Variants in ANO3 observed in about 807,000 individuals in gnomAD.
The protein encoded by ANO3 is anoctamin-3.
ANO3 carries 99 observed loss-of-function variants against 144.8 expected under a neutral mutation model. The observed-to-expected ratio is 0.68, with a 90% CI of 0.58 to 0.81. The LOEUF (loss-of-function observed/expected upper bound fraction) is 0.81. Ranked by LOEUF, ANO3 falls within the 30% of genes least tolerant of loss-of-function variation. The pLI is 0.00. For missense variants in ANO3, 905 were observed against 1,202.2 expected (o/e 0.75, Z 3.66); for synonymous variants, 414 against 392.6 (o/e 1.05, Z -0.64).
chr11:26,331,412 C>T (rs1855036818), upstream of ANO3: 1 of 152,178 alleles, frequency 6.6e-6, no homozygotes. Context: ...CTTTGGGTAT[C>T]GGGTGCCTTC....
At chr11:26,461,169 G>A (rs1859382103) in intron 3 of ANO3, among the ~76,000 whole-genome samples, 1 of 152,078 alleles carries the variant, frequency 6.6e-6, no homozygotes, top group African/African-American at 2.4e-5. Flanking sequence ...GGGGAGAAAG[G>A]ATTGGCAAGG....
intron 1 of ANO3, among the ~76,000 whole-genome samples, chr11:26,440,920 G>A (rs1041500692): frequency 3.3e-5 from 5 of 151,992 alleles, no homozygotes; most frequent in African/African-American, 1.2e-4. Flanking sequence ...ATGGGATGAA[G>A]AGGAATGGAG....
intron 4 of ANO3, among the ~76,000 whole-genome samples, chr11:26,489,291 A>G (rs1860604717): frequency 6.6e-6 from 1 of 152,166 alleles, no homozygotes; most frequent in South Asian, 2.1e-4. Flanking sequence ...CATGGTGTTG[A>G]GCCTGCGGGA....
chr11:26,344,949 CTTACTT>C (rs71926703), intron 1 of ANO3, among the ~76,000 whole-genome samples: 40,365 of 151,714 alleles, frequency 0.27, 6,236 homozygotes, highest in Admixed American at 0.41. Flanking sequence ...TTTTATAAAA[CTTACTT>C]TTACATGCTC....
chr11:26,336,153 C>T (rs1206884180), intron 1 of ANO3, among the ~76,000 whole-genome samples: 1 of 152,156 alleles, frequency 6.6e-6, no homozygotes, highest in Non-Finnish European at 1.5e-5. Flanking sequence ...CAACTTTCTT[C>T]CTAGCCTGGC....
chr11:26,455,479 C>T (rs2134045496), intron 3 of ANO3, among the ~76,000 whole-genome samples: 1 of 152,176 alleles, frequency 6.6e-6, no homozygotes, highest in East Asian at 1.9e-4. Flanking sequence ...ACAATTGCTT[C>T]AAAGAGAATA....
chr11:26,385,689 C>G lies in ANO3; in HGVS notation c.46+53368C>G, dbSNP rs895872587. On this transcript the variant is annotated intron_variant, in intron 1 of 26. Coordinates refer to ENST00000256737, the MANE Select transcript of ANO3 (RefSeq NM_031418.4). ...GGGCCTATCGGGGTAATCCATATTC[C>G]TCTTCACATCTCAAGATCCTATATC... Among the ~76,000 whole-genome samples, 5 of 152,064 alleles carry G rather than the reference C, an allele frequency of 3.3e-5. No individual in the cohort carries two copies. The South Asian group carries it at 1.0e-3, about 32-fold the overall frequency.
chr11:26,246,463 T>C (rs1308165974), intron 1 of ANO3, among the ~76,000 whole-genome samples: 3 of 133,050 alleles, frequency 2.3e-5, no homozygotes, highest in Non-Finnish European at 5.1e-5. Flanking sequence ...TCTTTATATA[T>C]ATATATATAT....
chr11:26,603,901 T>C (rs1851866254), intron 17 of ANO3, among the ~76,000 whole-genome samples: 2 of 152,184 alleles, frequency 1.3e-5, no homozygotes, highest in Non-Finnish European at 2.9e-5. Flanking sequence ...AATTGTCAAC[T>C]CAGGGTATTT....
chr11:26,535,537 T>C (rs956977444), intron 9 of ANO3, among the ~76,000 whole-genome samples: 3 of 150,084 alleles, frequency 2.0e-5, no homozygotes, highest in African/African-American at 7.3e-5. Flanking sequence ...TTGAGTGCTA[T>C]ATAGGTAAAA....
chr11:26,317,285 A>G (rs1359479394), intron 1 of ANO3, among the ~76,000 whole-genome samples: 1 of 151,580 alleles, frequency 6.6e-6, no homozygotes, highest in Non-Finnish European at 1.5e-5. Context: ...TGAAATGTAT[A>G]TTAAGAGCTG....
At chr11:26,559,674 A>G (rs766583976) in intron 13 of ANO3, 45 bp from the exon 14 acceptor site, 2 of 1,402,632 alleles carry the variant, frequency 1.4e-6, no homozygotes, top group Non-Finnish European at 2.0e-6. Context: ...CTGGCTTATT[A>G]TAATCAATTT....
intron 24 of ANO3, among the ~76,000 whole-genome samples, chr11:26,648,734 A>G (rs1853429352): frequency 6.6e-6 from 1 of 152,198 alleles, no homozygotes; most frequent in African/African-American, 2.4e-5. Context: ...TTGGAGGCAC[A>G]TGAAACAGAG....
intron 18 of ANO3, among the ~76,000 whole-genome samples, chr11:26,631,653 C>A (rs1449052815): frequency 6.6e-6 from 1 of 151,958 alleles, no homozygotes; most frequent in African/African-American, 2.4e-5. Flanking sequence ...ATGACTGACA[C>A]TTGAGGAGTA....
chr11:26,512,155 T>C (rs532000783), intron 5 of ANO3, among the ~76,000 whole-genome samples: 26 of 152,302 alleles, frequency 1.7e-4, no homozygotes, highest in Non-Finnish European at 2.8e-4. Flanking sequence ...ATTTCAGCAA[T>C]TTGTGTTTCT....
chr11:26,524,184 A>G (rs1484501766), intron 6 of ANO3, among the ~76,000 whole-genome samples: 1 of 152,224 alleles, frequency 6.6e-6, no homozygotes, highest in East Asian at 1.9e-4. Flanking sequence ...TGAAGAAAAG[A>G]TGAGTTTACA....
chr11:26,216,547 G>A (rs907298376), intron 1 of ANO3, among the ~76,000 whole-genome samples: 5 of 151,878 alleles, frequency 3.3e-5, no homozygotes, highest in African/African-American at 1.2e-4. Context: ...AATGCTTCCT[G>A]TTTGGGACAA....
intron 1 of ANO3, among the ~76,000 whole-genome samples, chr11:26,389,999 G>A (rs1856834208): frequency 1.3e-5 from 2 of 152,024 alleles, no homozygotes; most frequent in African/African-American, 4.8e-5. Flanking sequence ...ACAGTTGATA[G>A]CAGATGTAAA....
intron 1 of ANO3, among the ~76,000 whole-genome samples, chr11:26,222,535 C>A (rs993016361): frequency 3.9e-5 from 6 of 152,252 alleles, no homozygotes; most frequent in African/African-American, 1.4e-4. Context: ...CCCAACCCCA[C>A]ATTTTCCCTC....
Sources: gnomAD v4.1 joint callset for allele counts (sites outside exome capture counted in the v4.1 genomes callset) on GRCh38, gnomAD v4.1.1 for gene constraint, MANE v1.5 for transcripts, NCBI Gene and HGNC (gene_info 2026-07-23, HGNC 2026-07-21) for gene names.